PIK3CG: variants seen among roughly 807,000 people sequenced by gnomAD.
PIK3CG encodes phosphatidylinositol 4,5-bisphosphate 3-kinase catalytic subunit gamma isoform.
A neutral mutation model predicts 102.3 loss-of-function variants in PIK3CG; 55 were observed. That is an observed-to-expected ratio of 0.54 (90% CI 0.43 to 0.67). The LOEUF is 0.67. Ranked by LOEUF, PIK3CG falls within the 30% of genes least tolerant of loss-of-function variation. The pLI, the probability that PIK3CG is intolerant of heterozygous loss-of-function variation, is 0.00. For missense variants in PIK3CG, 1,258 were observed against 1,391.8 expected, an observed-to-expected ratio of 0.90 and a Z score of 1.53; for synonymous variants, 552 against 540.0, an observed-to-expected ratio of 1.02 and a Z score of -0.31.
chr7:106,888,191 G>A (rs574692494), intron 10 of PIK3CG, among the ~76,000 whole-genome samples: 8 of 151,940 alleles, frequency 5.3e-5, no homozygotes, highest in African/African-American at 1.4e-4. Flanking sequence ...CGCCTGCCTC[G>A]GCCTCCCAAA....
At chr7:106,875,915 T>TTG (rs1790718482) in intron 5 of PIK3CG, among the ~76,000 whole-genome samples, 1 of 148,298 alleles carries the variant, frequency 6.7e-6, no homozygotes, top group Admixed American at 6.7e-5. Flanking sequence ...TTTTGTTTTT[T>TTG]TTTTTTTTTT....
intron 10 of PIK3CG, among the ~76,000 whole-genome samples, chr7:106,888,743 C>T (rs79985560): frequency 0.027 from 4,071 of 152,276 alleles, 169 homozygotes; most frequent in African/African-American, 0.093. Flanking sequence ...TGAATCTGTG[C>T]ACGTTGAGCC....
At position 106,868,769 on chromosome 7, in the gene PIK3CG, C is replaced by G. The variant is rs2116449489; in HGVS notation, c.1208C>G (p.Pro403Arg). 6.2e-7 allele frequency: 1 copy of G among 1,614,212 alleles called. No individual in the cohort carries two copies. Among genetic ancestry groups the G allele is most frequent in the African/African-American group, 1.3e-5 (1 of 75,050 alleles). ...TGCCAAAGGAGAACCAGCCCCAAAC[C>G]CTTCACAGAGGAGGTGCTGTGGAAT... is the stretch of plus-strand genomic sequence containing the variant. ...VLCQRRTSPKPFTEEVLWNVW... is the reference protein window; with the variant it reads ...VLCQRRTSPKRFTEEVLWNVW... Residue 403 changes from proline to arginine, a missense_variant, in exon 2 of 11, where the codon CCC (proline) becomes CGC (arginine). Coordinates refer to ENST00000496166, the MANE Select transcript of PIK3CG (RefSeq NM_001282426.2). The surrounding 1 kb of genome is among the most constrained non-coding windows in gnomAD (Gnocchi z 6.2).
At position 106,868,939 on chromosome 7, in the gene PIK3CG, C is replaced by T. The variant is rs1388270746; in HGVS notation, c.1378C>T (p.Leu460Phe). Residue 460 changes from leucine to phenylalanine, a missense_variant, in exon 2 of 11, where the codon CTT becomes TTT. Physicochemically the swap from Leu to Phe is conservative, Grantham distance 22 (BLOSUM62 0). This residue lies in a region of PIK3CG where 832 missense variants were observed against 787.5 expected (regional missense o/e 1.06). Coordinates refer to ENST00000496166, the MANE Select transcript of PIK3CG (RefSeq NM_001282426.2). The surrounding 1 kb of genome is among the most constrained non-coding windows in gnomAD (Gnocchi z 6.2). ...TTCTGAGTCCAAGGGCAAAGTTCAG[C>T]TTCTCTATTATGTGAACCTGCTGCT... Reference protein sequence around the residue: ...PSSESKGKVQLLYYVNLLLID... With the variant: ...PSSESKGKVQFLYYVNLLLID... The T allele has an allele frequency of 6.2e-7, 1 of 1,614,196 alleles. No homozygotes were observed. The highest frequency in any genetic ancestry group is 2.2e-5 in the East Asian group (1 of 44,882).
At chr7:106,886,059 A>G (rs964741778) in intron 9 of PIK3CG, 76 bp from the exon 10 acceptor site, 2 of 1,295,720 alleles carry the variant, frequency 1.5e-6, no homozygotes, top group African/African-American at 3.0e-5. Context: ...GCTCATTTTT[A>G]GGCAACTCAA....
rs939869139 is a variant in PIK3CG at position 106,882,164 on chromosome 7, A to G, written c.2586A>G (p.Leu862=). ...TTTGGGAGACTGAATCTTTGGATCT[A>G]TGCCTCCTGCCATATGGTTGCATTT... ...ESIWETESLD[L]CLLPYGCIST... is the part of the protein sequence containing the mutation. Residue 862 remains leucine (L), a synonymous_variant, in exon 7 of 11, where the codon CTA becomes CTG. Transcript: ENST00000496166. 6.3e-7 allele frequency: 1 copy of G among 1,580,068 alleles called. No individual in the cohort carries two copies. The highest frequency in any genetic ancestry group is 2.3e-5 in the East Asian group (1 of 42,694).
chr7:106,896,692 G>C (rs1791418177), intron 10 of PIK3CG, among the ~76,000 whole-genome samples: 1 of 152,178 alleles, frequency 6.6e-6, no homozygotes. Context: ...CCGCTTCTTG[G>C]TGAACAGGGA....
chr7:106,879,709 C>G lies in PIK3CG; in HGVS notation c.2538+44C>G, dbSNP rs376962049. Reference sequence around the variant, plus strand: ...TGTTTTCAATTATCTGAAAACAATTCTATATTACATCAAAAACATGCTTTC... The same window carrying G: ...TGTTTTCAATTATCTGAAAACAATTGTATATTACATCAAAAACATGCTTTC... On this transcript the variant is annotated intron_variant, in intron 6 of 10. Coordinates refer to ENST00000496166, the MANE Select transcript of PIK3CG (RefSeq NM_001282426.2). This position sits in a 1 kb window ranked among gnomAD's most constrained non-coding sequence, Gnocchi z 4.9. 3 of 1,438,814 alleles carry G rather than the reference C, an allele frequency of 2.1e-6. No individual in the cohort carries two copies. The highest frequency in any genetic ancestry group is 2.9e-6 in the Non-Finnish European group (3 of 1,027,558). The allele number at this position is 1,438,814 out of a possible 1,614,324, so 89.1% of individuals were successfully genotyped here. A position where few individuals can be genotyped will look rare whatever the true frequency, so the allele number is the denominator to read the frequency against.
Position 106,884,402 on chromosome 7 carries a change from C to T in PIK3CG, c.2872+136C>T. ...TATGTTCACCTTGTTGTACAACCAT[C>T]ATCACCATTCATCCCCAGAATTTTT... On this transcript the variant is annotated intron_variant, in intron 9 of 10. Transcript: ENST00000496166. The surrounding 1 kb of genome is among the most constrained non-coding windows in gnomAD (Gnocchi z 4.2). 1 of 629,160 alleles carries T rather than the reference C, an allele frequency of 1.6e-6. No homozygotes were observed. The highest frequency in any genetic ancestry group is 2.8e-6 in the Non-Finnish European group (1 of 362,554). 39.0% of individuals were successfully genotyped at this position (629,160 alleles called of 1,614,324 possible).
intron 9 of PIK3CG, 111 bp from the exon 10 acceptor site, chr7:106,886,024 T>C (rs1362021425): frequency 2.1e-6 from 2 of 942,080 alleles, no homozygotes; most frequent in Non-Finnish European, 3.2e-6. Context: ...ACAAACATTG[T>C]AAAAAATGCT....
At position 106,879,465 on chromosome 7, in the gene PIK3CG, C is replaced by T. The variant is rs1275422372; in HGVS notation, c.2392-54C>T. On this transcript the variant is annotated intron_variant, in intron 5 of 10. Transcript: ENST00000496166. The surrounding 1 kb of genome is among the most constrained non-coding windows in gnomAD (Gnocchi z 4.9). ...TTTGCAAGAGAATTTGTGTCTCCACCATGTATATTCGTTATTCATTGTGTG... is the reference window on the plus strand; with the variant it reads ...TTTGCAAGAGAATTTGTGTCTCCACTATGTATATTCGTTATTCATTGTGTG... 6 of 1,393,414 alleles carry T rather than the reference C, an allele frequency of 4.3e-6. No homozygotes were observed. In the South Asian group the frequency reaches 7.0e-5, roughly 16 times the overall value. 86.3% of individuals were successfully genotyped at this position (1,393,414 alleles called of 1,614,324 possible). A position where few individuals can be genotyped will look rare whatever the true frequency, so the allele number is the denominator to read the frequency against.
rs2116466874 is a variant in PIK3CG, at chr7:106,869,486, C to T, written c.1925C>T (p.Ala642Val). The change falls in exon 2 of 11, where the codon GCC becomes GTC. Residue 642 changes from alanine to valine, a missense_variant. Ala to Val is a moderately conservative substitution (Grantham distance 64). Around this residue, in one of 2 missense-constraint regions of PIK3CG, gnomAD observed 426 missense variants for 604.2 expected, o/e 0.71. Transcript: ENST00000496166. The surrounding 1 kb of genome is among the most constrained non-coding windows in gnomAD (Gnocchi z 5.3). ...DCNFSDENVR[A>V]IAVQKLESLE... is the part of the protein sequence containing the mutation. ...AACTTCTCAGATGAAAATGTAAGAG[C>T]CATTGCAGTTCAGAAACTGGAGAGC... 1 of 1,614,128 alleles carries T rather than the reference C, an allele frequency of 6.2e-7. No individual in the cohort carries two copies. The highest frequency in any genetic ancestry group is 1.7e-5 in the Admixed American group (1 of 60,022).
chr7:106,886,972 A>C (rs1432170083), intron 10 of PIK3CG, among the ~76,000 whole-genome samples: 2 of 151,882 alleles, frequency 1.3e-5, no homozygotes, highest in African/African-American at 2.4e-5. Flanking sequence ...CATAAAATAC[A>C]CTAGATAGCT....
At position 106,868,745 on chromosome 7, in the gene PIK3CG, G is replaced by A. The variant is rs1181947222; in HGVS notation, c.1184G>A (p.Cys395Tyr). The A allele has an allele frequency of 6.2e-7, 1 of 1,614,236 alleles. No individual in the cohort carries two copies. Among genetic ancestry groups the A allele is most frequent in the East Asian group, 2.2e-5 (1 of 44,880 alleles). ...ANIQHGQQVL[C>Y]QRRTSPKPFT... ...ATCCAGCATGGGCAACAAGTCCTTT[G>A]CCAAAGGAGAACCAGCCCCAAACCC... The change falls in exon 2 of 11, where the codon TGC (cysteine) becomes TAC (tyrosine). Residue 395 changes from cysteine (C) to tyrosine (Y), a missense_variant. Coordinates refer to ENST00000496166, the MANE Select transcript of PIK3CG (RefSeq NM_001282426.2). The surrounding 1 kb of genome is among the most constrained non-coding windows in gnomAD (Gnocchi z 6.2).
rs1011704814 is a variant in PIK3CG, at chr7:106,887,926, G to C, written c.3030+1634G>C. Among the ~76,000 whole-genome samples the C allele has an allele frequency of 5.1e-5, 7 of 138,414 alleles. No individual in the cohort carries two copies. The South Asian group carries it at 1.4e-3, about 28-fold the overall frequency. The allele number at this position is 138,414 out of a possible 152,430, so 90.8% of individuals were successfully genotyped here. A position where few individuals can be genotyped will look rare whatever the true frequency, so the allele number is the denominator to read the frequency against. ...ACGCAAGGAATTTGGCCTCATTGAC[G>C]ACTCTCCTTTTTTTTTTTTTTTTTT... On this transcript the variant is annotated intron_variant, in intron 10 of 10. Coordinates refer to ENST00000496166, the MANE Select transcript of PIK3CG (RefSeq NM_001282426.2).
chr7:106,873,760 A>C (rs1312579160), intron 4 of PIK3CG, among the ~76,000 whole-genome samples: 1 of 151,998 alleles, frequency 6.6e-6, no homozygotes, highest in Non-Finnish European at 1.5e-5. Context: ...ACACACACAC[A>C]CACACACCAC....
rs1791336721 is a variant in PIK3CG, at chr7:106,894,035, T to C, written c.3030+7743T>C. 6.6e-6 allele frequency among the ~76,000 whole-genome samples: 1 copy of C among 152,220 alleles called. No homozygotes were observed. Among genetic ancestry groups the C allele is most frequent in the African/African-American group, 2.4e-5 (1 of 41,456 alleles). ...AATCTTATGAAACAACTATGATAGATGCAGTCCATGGTTGACCAAAACATT... is the reference window on the plus strand; with the variant it reads ...AATCTTATGAAACAACTATGATAGACGCAGTCCATGGTTGACCAAAACATT... On this transcript the variant is annotated intron_variant, in intron 10 of 10. Transcript: ENST00000496166. This position sits in a 1 kb window ranked among gnomAD's most constrained non-coding sequence, Gnocchi z 4.4.
chr7:106,876,940 G>A (rs542817327), intron 5 of PIK3CG, among the ~76,000 whole-genome samples: 1 of 152,236 alleles, frequency 6.6e-6, no homozygotes, highest in Admixed American at 6.5e-5. Context: ...TCTCACACCT[G>A]TAATTCCAGC....
Position 106,907,845 on chromosome 7 carries a change from T to TAC in PIK3CG, c.*2459_*2460insCA, listed in dbSNP as rs1381625565. 6.9e-6 allele frequency among the ~76,000 whole-genome samples: 1 copy of TAC among 144,152 alleles called. No individual in the cohort carries two copies. The highest frequency in any genetic ancestry group is 7.2e-5 in the Admixed American group (1 of 13,848). 94.6% of individuals were successfully genotyped at this position (144,152 alleles called of 152,430 possible). ...ATATATGTATGTGTGTGTGTATATATATATATATATATCACAGTTGGGCTT... is the reference window on the plus strand; with the variant it reads ...ATATATGTATGTGTGTGTGTATATATACATATATATATATCACAGTTGGGCTT... On this transcript the variant is annotated 3_prime_UTR_variant, in exon 11 of 11. Transcript: ENST00000496166.
Sources: gnomAD v4.1 joint callset for allele counts (sites outside exome capture counted in the v4.1 genomes callset) on GRCh38, gnomAD v4.1.1 for gene constraint, gnomAD v4.1.1 regional missense constraint, Gnocchi (gnomAD v3.1) non-coding constraint, MANE v1.5 for transcripts, NCBI Gene and HGNC (gene_info 2026-07-23, HGNC 2026-07-21) for gene names.